The following LRRK1 variants were observed in gnomAD, a reference collection of about 807,000 sequenced individuals.
LRRK1 encodes leucine rich repeat kinase 1, also known as leucine-rich repeat serine/threonine-protein kinase 1.
Under a neutral mutation model 209.1 loss-of-function variants are expected in LRRK1, and 113 were observed. That is an observed-to-expected ratio of 0.54 (90% CI 0.46 to 0.63). The LOEUF is 0.63. Ranked by LOEUF, LRRK1 falls within the 30% of genes least tolerant of loss-of-function variation. The pLI is 0.00. For synonymous variants in LRRK1, 1,144 were observed against 1,099.7 expected, an observed-to-expected ratio of 1.04 and a Z score of -0.80; for missense variants, 2,284 against 2,632.2, an observed-to-expected ratio of 0.87 and a Z score of 2.89.
At chr15:101,053,760 T>A (rs1289079647) in intron 26 of LRRK1, among the ~76,000 whole-genome samples, 1 of 151,692 alleles carries the variant, frequency 6.6e-6, no homozygotes, top group East Asian at 1.9e-4. Context: ...TTGAATCACT[T>A]TCCCAACTGC....
intron 29 of LRRK1, 27 bp from the exon 30 acceptor site, chr15:101,061,144 T>C (rs775675678): frequency 1.3e-6 from 2 of 1,571,724 alleles, no homozygotes; most frequent in Non-Finnish European, 1.7e-6. Flanking sequence ...CCCCGGGCAC[T>C]GACAGCACAG....
At chr15:100,981,493 C>T (rs754201662) in intron 3 of LRRK1, among the ~76,000 whole-genome samples, 1 of 152,174 alleles carries the variant, frequency 6.6e-6, no homozygotes, top group Non-Finnish European at 1.5e-5. Context: ...CTGTTCCTCT[C>T]CTCACGTGTC....
Position 100,947,677 on chromosome 15 carries a change from A to G in LRRK1, c.97+22948A>G, listed in dbSNP as rs191175536. ...CGCATATGCATTTCCCAGGATGTTT[A>G]TGTCAGCATTGCAGAGACTAAGGAA... On this transcript the variant is annotated intron_variant, in intron 2 of 33. Coordinates refer to ENST00000388948, the MANE Select transcript of LRRK1 (RefSeq NM_024652.6). 1.4e-4 allele frequency among the ~76,000 whole-genome samples: 21 copies of G among 152,334 alleles called. No homozygotes were observed. The East Asian group carries it at 3.9e-3, about 28-fold the overall frequency.
chr15:101,020,440 A>T (rs113290740), intron 12 of LRRK1, among the ~76,000 whole-genome samples: 18,986 of 147,930 alleles, frequency 0.13, 1,942 homozygotes, highest in African/African-American at 0.28. Flanking sequence ...AGTGGCACAA[A>T]CTCAACTCAC....
intron 22 of LRRK1, chr15:101,049,247 A>G (rs914213110): frequency 1.1e-5 from 2 of 180,110 alleles, no homozygotes; most frequent in African/African-American, 4.7e-5. Context: ...AGAAGAAGGG[A>G]AAAGGGGAGG....
chr15:101,015,989 T>C (rs1209260818), intron 12 of LRRK1, among the ~76,000 whole-genome samples: 1 of 90,656 alleles, frequency 1.1e-5, no homozygotes, highest in Non-Finnish European at 2.2e-5. Context: ...CTTCCTCTTC[T>C]TTTTTTTTTT....
intron 2 of LRRK1, among the ~76,000 whole-genome samples, chr15:100,946,032 A>G (rs908903202): frequency 1.1e-4 from 17 of 152,322 alleles, no homozygotes; most frequent in Middle Eastern, 3.4e-3. Context: ...TAAAATACTT[A>G]GGGGAAATAG....
intron 2 of LRRK1, among the ~76,000 whole-genome samples, chr15:100,926,592 T>G (rs557934789): frequency 0.011 from 180 of 15,976 alleles, 4 homozygotes; most frequent in African/African-American, 0.025. Context: ...GAGCAGCATC[T>G]TGGGGCAGGG....
Position 100,925,329 on chromosome 15 carries a change from G to A in LRRK1, c.97+600G>A, listed in dbSNP as rs899212305. 2.6e-5 allele frequency among the ~76,000 whole-genome samples: 4 copies of A among 151,940 alleles called. No individual in the cohort carries two copies. In the East Asian group the frequency reaches 7.7e-4, roughly 29 times the overall value. ...CATTTATTTTATTTTATTTTTTTAC[G>A]ATTTAATAATTGGATCAAAAAATGA... On this transcript the variant is annotated intron_variant, in intron 2 of 33. Transcript: ENST00000388948.
intron 2 of LRRK1, among the ~76,000 whole-genome samples, chr15:100,937,733 C>T (rs1396861764): frequency 6.6e-6 from 1 of 151,314 alleles, no homozygotes; most frequent in Non-Finnish European, 1.5e-5. Context: ...GACGGGGTTT[C>T]ACCGTGTTAG....
chr15:100,974,059 G>A, intron 3 of LRRK1, 92 bp downstream of exon 3: 6 of 1,066,988 alleles, frequency 5.6e-6, no homozygotes, highest in Non-Finnish European at 7.2e-6. Flanking sequence ...TGTCATAACG[G>A]TAATGGGCGT....
intron 4 of LRRK1, among the ~76,000 whole-genome samples, chr15:100,984,959 G>A (rs114815727): frequency 0.016 from 2,446 of 152,260 alleles, 61 homozygotes; most frequent in African/African-American, 0.055. Flanking sequence ...AAGGGCCCAC[G>A]TTACGTTTAA....
chr15:100,924,353 T>C (rs1396914775), intron 1 of LRRK1, among the ~76,000 whole-genome samples, 158 bp from the exon 2 acceptor site: 1 of 152,188 alleles, frequency 6.6e-6, no homozygotes, highest in Non-Finnish European at 1.5e-5. Context: ...GGGGGAGCTG[T>C]GCCTTCCCAC....
At chr15:100,976,211 TG>T (rs2031283489) in intron 3 of LRRK1, among the ~76,000 whole-genome samples, 1 of 152,362 alleles carries the variant, frequency 6.6e-6, no homozygotes, top group South Asian at 2.1e-4. Context: ...TAGGTCTACA[TG>T]GTTTTACTGG....
rs1250995987 is a variant in LRRK1 at position 100,919,742 on chromosome 15, G to T, written c.-123+291G>T. 6.6e-6 allele frequency among the ~76,000 whole-genome samples: 1 copy of T among 152,172 alleles called. No homozygotes were observed. The highest frequency in any genetic ancestry group is 1.5e-5 in the Non-Finnish European group (1 of 68,012). ...GAGGGGAGCGCGCGGGGCCCGAGCAGGGAACCCCGAAACCCCGTCCGGGCA... is the reference window on the plus strand; with the variant it reads ...GAGGGGAGCGCGCGGGGCCCGAGCATGGAACCCCGAAACCCCGTCCGGGCA... On this transcript the variant is annotated intron_variant, in intron 1 of 33. Transcript: ENST00000388948. This position sits in a 1 kb window ranked among gnomAD's most constrained non-coding sequence, Gnocchi z 5.8.
intron 16 of LRRK1, 113 bp from the exon 17 acceptor site, chr15:101,025,852 C>T (rs2034002956): frequency 1.8e-6 from 2 of 1,108,460 alleles, no homozygotes; most frequent in Non-Finnish European, 2.6e-6. Flanking sequence ...AGATTGGTGG[C>T]TGAGCAAGGG....
intron 2 of LRRK1, 59 bp from the exon 3 acceptor site, chr15:100,973,745 C>T: frequency 8.0e-7 from 1 of 1,248,438 alleles, no homozygotes; most frequent in Non-Finnish European, 1.0e-6. Context: ...CACGGTGATT[C>T]TCAAGAGCAC....
rs190904888 is a variant in LRRK1, at chr15:100,938,407, G to A, written c.97+13678G>A. ...AAGGATAATTAGCATATCTATCACC[G>A]CAAACATTTTTCATTTCTTGGTGTT... On this transcript the variant is annotated intron_variant, in intron 2 of 33. Coordinates refer to ENST00000388948, the MANE Select transcript of LRRK1 (RefSeq NM_024652.6). Among the ~76,000 whole-genome samples, 195 of 152,088 alleles carry A rather than the reference G, an allele frequency of 1.3e-3. 1 individual carries two copies. The highest frequency in any genetic ancestry group is 3.9e-3 in the Admixed American group (59 of 15,280).
At chr15:101,033,923 G>T (rs1199903442) in intron 20 of LRRK1, among the ~76,000 whole-genome samples, 1 of 152,094 alleles carries the variant, frequency 6.6e-6, no homozygotes, top group Non-Finnish European at 1.5e-5. Context: ...GTCCTCACCA[G>T]CATCTGTTAT....
Sources: gnomAD v4.1 joint callset for allele counts (sites outside exome capture counted in the v4.1 genomes callset) on GRCh38, gnomAD v4.1.1 for gene constraint, Gnocchi (gnomAD v3.1) non-coding constraint, MANE v1.5 for transcripts, NCBI Gene and HGNC (gene_info 2026-07-23, HGNC 2026-07-21) for gene names.